DPP6: variants seen among roughly 807,000 people sequenced by gnomAD.
DPP6 encodes the protein dipeptidyl peptidase like 6.
Under a neutral mutation model 122.6 loss-of-function variants are expected in DPP6, and 69 were observed. That is an observed-to-expected ratio of 0.56 (90% confidence interval 0.46 to 0.69). DPP6 has a LOEUF of 0.69. Among genes scored for constraint, DPP6 ranks in the 30% least tolerant of loss-of-function variants. The pLI is 0.00. For missense variants in DPP6, 928 were observed against 1,116.9 expected, an observed-to-expected ratio of 0.83 and a Z score of 2.41; for synonymous variants, 418 against 433.1, an observed-to-expected ratio of 0.97 and a Z score of 0.43.
chr7:154,028,254 G>A (rs1241103744), intron 1 of DPP6, among the ~76,000 whole-genome samples: 1 of 152,008 alleles, frequency 6.6e-6, no homozygotes, highest in Admixed American at 6.6e-5. Context: ...ACACCCTAAT[G>A]TGCTTGTTTC....
intron 1 of DPP6, among the ~76,000 whole-genome samples, chr7:154,101,875 C>T (rs1237881526): frequency 6.8e-6 from 1 of 147,134 alleles, no homozygotes; most frequent in Non-Finnish European, 1.5e-5. Context: ...TTTCAGTGAG[C>T]CGAGATGGCG....
chr7:153,913,929 A>G lies in DPP6; in HGVS notation c.51+26195A>G, dbSNP rs148123062. Among the ~76,000 whole-genome samples the G allele has an allele frequency of 8.7e-4, 132 of 152,342 alleles. 1 individual carries two copies. The highest frequency in any genetic ancestry group is 3.1e-3 in the African/African-American group (129 of 41,582). On this transcript the variant is annotated intron_variant, in intron 1 of 25. Coordinates refer to the DPP6 transcript ENST00000404039. Reference sequence around the variant, plus strand: ...AATACGGACTTTCTTATGAATGCCAAGAAACTGCTTGCTTCTCCTATTGTC... The same window carrying G: ...AATACGGACTTTCTTATGAATGCCAGGAAACTGCTTGCTTCTCCTATTGTC...
chr7:154,578,471 A>G (rs2130645792), intron 5 of DPP6, among the ~76,000 whole-genome samples: 1 of 152,294 alleles, frequency 6.6e-6, no homozygotes, highest in African/African-American at 2.4e-5. Context: ...CCGTCCTGGC[A>G]GGCTGCGTGC....
intron 5 of DPP6, among the ~76,000 whole-genome samples, chr7:154,588,967 C>A (rs1406202005): frequency 6.6e-6 from 1 of 152,186 alleles, no homozygotes; most frequent in Non-Finnish European, 1.5e-5. Flanking sequence ...TGAGCCATCA[C>A]CTGAGTATTT....
At chr7:154,861,146 T>C (rs1438712781) in intron 17 of DPP6, among the ~76,000 whole-genome samples, 1 of 152,198 alleles carries the variant, frequency 6.6e-6, no homozygotes, top group Admixed American at 6.5e-5. Flanking sequence ...AAAGTCTCAT[T>C]ATAAAGTGGC....
At chr7:154,136,990 C>G (rs534731436) in intron 1 of DPP6, among the ~76,000 whole-genome samples, 1 of 152,210 alleles carries the variant, frequency 6.6e-6, no homozygotes, top group South Asian at 2.1e-4. Context: ...GAGAACCACC[C>G]TGTCTTACCA....
intron 1 of DPP6, among the ~76,000 whole-genome samples, chr7:154,425,154 T>C (rs890989043): frequency 2.0e-5 from 3 of 152,202 alleles, no homozygotes; most frequent in Non-Finnish European, 4.4e-5. Context: ...AAAGGAGGTA[T>C]TGAGTCGTCT....
intron 1 of DPP6, among the ~76,000 whole-genome samples, chr7:154,042,822 C>A (rs1159119531): frequency 6.6e-6 from 1 of 152,198 alleles, no homozygotes; most frequent in African/African-American, 2.4e-5. Context: ...TGCTTTTATT[C>A]TCTTCCTATA....
chr7:154,799,902 G>T (rs1798252492), intron 12 of DPP6, among the ~76,000 whole-genome samples: 1 of 152,214 alleles, frequency 6.6e-6, no homozygotes, highest in Non-Finnish European at 1.5e-5. Flanking sequence ...AGACTCAGAG[G>T]CTTCACCTGT....
At chr7:154,365,934 G>T (rs1408526071) in intron 1 of DPP6, among the ~76,000 whole-genome samples, 1 of 146,864 alleles carries the variant, frequency 6.8e-6, no homozygotes, top group Non-Finnish European at 1.5e-5. Flanking sequence ...TTCCAGCCTG[G>T]GCGACAGAGC....
At chr7:154,059,125 C>CA (rs1801283085) in intron 1 of DPP6, 1 of 141,148 alleles carries the variant, frequency 7.1e-6, no homozygotes, top group Non-Finnish European at 1.5e-5. Flanking sequence ...TGGCACCCCC[C>CA]ACGAGGGTGG....
At chr7:154,882,052 G>T (rs1158826991) in intron 21 of DPP6, among the ~76,000 whole-genome samples, 3 of 152,238 alleles carry the variant, frequency 2.0e-5, no homozygotes, top group Non-Finnish European at 2.9e-5. Flanking sequence ...GTCTTTTCCA[G>T]TCGTCACTCT....
intron 1 of DPP6, among the ~76,000 whole-genome samples, chr7:154,113,835 CTG>C (rs1806782447): frequency 1.3e-5 from 2 of 152,116 alleles, no homozygotes; most frequent in Non-Finnish European, 1.5e-5. Flanking sequence ...TTGGAAGAGA[CTG>C]TTATTTTCCC....
At chr7:153,880,606 T>C in the DPP6 span, among the ~76,000 whole-genome samples, 1 of 152,226 alleles carries the variant, frequency 6.6e-6, no homozygotes, top group African/African-American at 2.4e-5. Context: ...GACATGGCTG[T>C]GGATATGACA....
At chr7:154,653,431 G>A (rs2131003296) in intron 6 of DPP6, among the ~76,000 whole-genome samples, 1 of 152,172 alleles carries the variant, frequency 6.6e-6, no homozygotes, top group East Asian at 1.9e-4. Flanking sequence ...ATGGATAGAT[G>A]ATTGATAGGT....
chr7:154,523,201 TG>T (rs1827140129), intron 3 of DPP6, among the ~76,000 whole-genome samples: 1 of 152,224 alleles, frequency 6.6e-6, no homozygotes, highest in Admixed American at 6.5e-5. Context: ...GACATTACTG[TG>T]GTCTTTCTAA....
intron 18 of DPP6, 111 bp downstream of exon 18, chr7:154,868,204 G>A (rs927827792): frequency 2.2e-6 from 3 of 1,388,636 alleles, no homozygotes; most frequent in Non-Finnish European, 2.9e-6. Flanking sequence ...CCCAAGCACG[G>A]GGGTGTATCT....
intron 1 of DPP6, among the ~76,000 whole-genome samples, chr7:154,108,817 G>A (rs910822971): frequency 1.3e-5 from 2 of 152,132 alleles, no homozygotes; most frequent in Non-Finnish European, 2.9e-5. Flanking sequence ...ACCAACCAAG[G>A]GCAATTCCTG....
intron 1 of DPP6, among the ~76,000 whole-genome samples, chr7:154,002,287 C>T (rs974990560): frequency 2.6e-5 from 4 of 151,832 alleles, no homozygotes; most frequent in Non-Finnish European, 5.9e-5. Flanking sequence ...CAGCTTCCTC[C>T]TCTGAAGTGT....
Sources: gnomAD v4.1 joint callset for allele counts (sites outside exome capture counted in the v4.1 genomes callset) on GRCh38, gnomAD v4.1.1 for gene constraint, MANE v1.5 for transcripts, NCBI Gene and HGNC (gene_info 2026-07-23, HGNC 2026-07-21) for gene names.